The following CTNNB1 variants were observed in gnomAD, a reference collection of about 807,000 sequenced individuals.
The protein encoded by CTNNB1 is catenin beta-1.
In CTNNB1, 6 loss-of-function variants were observed where a neutral mutation model predicts 82.5. That is an observed-to-expected ratio of 0.07 (90% confidence interval 0.04 to 0.14). The LOEUF (loss-of-function observed/expected upper bound fraction) is 0.14, where lower values mean the gene tolerates loss of function less well. CTNNB1 is among the 10% of genes least tolerant of loss of function. The pLI is 1.00. For missense variants in CTNNB1, 529 were observed against 980.4 expected (o/e 0.54, Z 6.15); for synonymous variants, 312 against 329.7 (o/e 0.95, Z 0.58).
In CTNNB1 at chr3:41,225,905, A is replaced by G. The variant is rs2078164024; in HGVS notation, c.936+44A>G. ...ATGTGGTTTTCATGGAGCATTGGAC[A>G]CCTCCAGTGTCATGTCATTCCATGC... On this transcript the variant is annotated intron_variant, in intron 6 of 14. Transcript: ENST00000349496. This position sits in a 1 kb window ranked among gnomAD's most constrained non-coding sequence, Gnocchi z 5.3. 6.5e-7 allele frequency: 1 copy of G among 1,538,476 alleles called. No homozygotes were observed. Among genetic ancestry groups the G allele is most frequent in the Non-Finnish European group, 9.0e-7 (1 of 1,116,546 alleles).
intron 1 of CTNNB1, among the ~76,000 whole-genome samples, chr3:41,217,279 A>G (rs375609300): frequency 1.3e-5 from 2 of 152,190 alleles, no homozygotes; most frequent in African/African-American, 4.8e-5. Flanking sequence ...CCACTAGAGT[A>G]GCACATCTTC....
chr3:41,215,402 A>AAC (rs1553628326), intron 1 of CTNNB1, among the ~76,000 whole-genome samples: 2,611 of 148,826 alleles, frequency 0.018, 125 homozygotes, highest in African/African-American at 0.063. Context: ...AAAAAAAAAA[A>AAC]AACACTCTTA....
At chr3:41,220,318 G>C (rs1272959386) in intron 1 of CTNNB1, among the ~76,000 whole-genome samples, 1 of 151,834 alleles carries the variant, frequency 6.6e-6, no homozygotes, top group Non-Finnish European at 1.5e-5. Flanking sequence ...GAGGACCAAG[G>C]GTCATTTGAT....
At chr3:41,238,144 C>T in intron 14 of CTNNB1, 68 bp downstream of exon 14, 1 of 1,416,438 alleles carries the variant, frequency 7.1e-7, no homozygotes, top group East Asian at 2.3e-5. Flanking sequence ...ATCAGAAGAG[C>T]CGGTTTGCTC....
intron 11 of CTNNB1, 81 bp from the exon 12 acceptor site, chr3:41,236,268 G>A: frequency 7.9e-6 from 12 of 1,521,764 alleles, no homozygotes; most frequent in Non-Finnish European, 1.1e-5. Flanking sequence ...ACTCTGAATT[G>A]GGAATGTTTG....
At chr3:41,210,103 T>TA (rs1003303435) in intron 1 of CTNNB1, among the ~76,000 whole-genome samples, 1 of 152,228 alleles carries the variant, frequency 6.6e-6, no homozygotes, top group Non-Finnish European at 1.5e-5. Context: ...TTTATATCTT[T>TA]ATAAGCTTTT....
At position 41,238,110 on chromosome 3, in the gene CTNNB1, TCAAG is replaced by T. The variant is rs1357349662; in HGVS notation, c.2137+36_2137+39del. 7.5e-6 allele frequency: 12 copies of T among 1,590,372 alleles called. No individual in the cohort carries two copies. In the Admixed American group the frequency reaches 2.0e-4, roughly 27 times the overall value. On this transcript the variant is annotated intron_variant, in intron 14 of 14. Transcript: ENST00000349496. The stretch of plus-strand genomic sequence containing the variant: ...CTCATATTTCTCGATTAACTCCAGA[TCAAG>T]CTAAAGTTCTAAAACTTTTATCAGA...
chr3:41,235,324 A>G (rs1245225821), intron 10 of CTNNB1: 2 of 238,522 alleles, frequency 8.4e-6, no homozygotes, highest in Non-Finnish European at 8.3e-6. Context: ...AAACTTGGCA[A>G]AGTTTTCACC....
chr3:41,215,915 GAT>G (rs2077906914), intron 1 of CTNNB1, among the ~76,000 whole-genome samples: 1 of 152,078 alleles, frequency 6.6e-6, no homozygotes, highest in Admixed American at 6.6e-5. Flanking sequence ...CTGTTGAAAG[GAT>G]ATAGTTCTTT....
At chr3:41,200,933 A>G (rs1428258145) in intron 1 of CTNNB1, among the ~76,000 whole-genome samples, 1 of 152,230 alleles carries the variant, frequency 6.6e-6, no homozygotes, top group Non-Finnish European at 1.5e-5. Flanking sequence ...GGCTGCTGGT[A>G]TGCAGAGGTC....
At chr3:41,202,696 A>G (rs1653659806) in intron 1 of CTNNB1, among the ~76,000 whole-genome samples, 1 of 152,188 alleles carries the variant, frequency 6.6e-6, no homozygotes, top group Non-Finnish European at 1.5e-5. Flanking sequence ...TGATTGTGAT[A>G]GGTAAGTGGA....
At chr3:41,229,018 T>C (rs1250353457) in intron 7 of CTNNB1, among the ~76,000 whole-genome samples, 1 of 151,828 alleles carries the variant, frequency 6.6e-6, no homozygotes, top group East Asian at 1.9e-4. Flanking sequence ...ACTTGTTAGG[T>C]GTGCGGCCTA....
At chr3:41,220,378 A>C (rs1041443222) in intron 1 of CTNNB1, among the ~76,000 whole-genome samples, 98 of 145,854 alleles carry the variant, frequency 6.7e-4, no homozygotes, top group Non-Finnish European at 1.0e-3. Context: ...TTGAGAACAC[A>C]CACACCCACA....
At chr3:41,223,225 C>T (rs1186273957) in intron 1 of CTNNB1, among the ~76,000 whole-genome samples, 1 of 151,982 alleles carries the variant, frequency 6.6e-6, no homozygotes, top group Non-Finnish European at 1.5e-5. Context: ...AGGCCATGAG[C>T]CCTTAAACTG....
chr3:41,224,362 T>C, intron 2 of CTNNB1, 164 bp from the exon 3 acceptor site: 1 of 780,102 alleles, frequency 1.3e-6, no homozygotes, highest in Admixed American at 2.2e-5. Flanking sequence ...ATTAGGTATT[T>C]CATCACTGAG....
intron 1 of CTNNB1, chr3:41,221,368 G>A (rs2078046414): frequency 6.7e-6 from 1 of 150,158 alleles, no homozygotes; most frequent in South Asian, 2.1e-4. Flanking sequence ...TCTTTTAAGA[G>A]ACAGGGTCTT....
At chr3:41,233,169 G>T in intron 7 of CTNNB1, 172 bp from the exon 8 acceptor site, 1 of 677,162 alleles carries the variant, frequency 1.5e-6, no homozygotes, top group Non-Finnish European at 2.6e-6. Context: ...AACTGGCAAA[G>T]TGAAGGAAAC....
chr3:41,228,716 C>T (rs1241899369), intron 7 of CTNNB1, among the ~76,000 whole-genome samples: 1 of 152,200 alleles, frequency 6.6e-6, no homozygotes, highest in Non-Finnish European at 1.5e-5. Flanking sequence ...TTTTGCTGCG[C>T]AGAAGCTCTT....
At chr3:41,239,035 TTGGA>T (rs2078508530) in intron 14 of CTNNB1, 95 bp from the exon 15 acceptor site, 1 of 1,013,516 alleles carries the variant, frequency 9.9e-7, no homozygotes, top group Non-Finnish European at 1.5e-6. Flanking sequence ...CTGCTGAACT[TTGGA>T]TGCCCTAACC....
Sources: allele counts gnomAD v4.1 joint callset (sites outside exome capture counted in the v4.1 genomes callset), GRCh38; gene constraint gnomAD v4.1.1; non-coding constraint Gnocchi (gnomAD v3.1); transcripts MANE v1.5; gene names NCBI Gene and HGNC (gene_info 2026-07-23, HGNC 2026-07-21).